Variants in COL11A1 observed in about 807,000 individuals in gnomAD.
The protein encoded by COL11A1 is collagen alpha-1(XI) chain.
Under a neutral mutation model 265.2 loss-of-function variants are expected in COL11A1, and 74 were observed. That is an observed-to-expected ratio of 0.28 (90% CI 0.23 to 0.34). The LOEUF (loss-of-function observed/expected upper bound fraction) is 0.34, where lower values mean the gene tolerates loss of function less well. Among genes scored for constraint, COL11A1 ranks in the 10% least tolerant of loss-of-function variants. The pLI, the probability that COL11A1 is intolerant of heterozygous loss-of-function variation, is 1.00. For synonymous variants in COL11A1, 816 were observed against 727.6 expected (o/e 1.12, Z -1.96); for missense variants, 2,165 against 2,263.6 (o/e 0.96, Z 0.88).
At chr1:102,943,826 C>A (rs576126266) in intron 42 of COL11A1, among the ~76,000 whole-genome samples, 1 of 152,182 alleles carries the variant, frequency 6.6e-6, no homozygotes, top group East Asian at 1.9e-4. Context: ...GCTCTTCCCC[C>A]CAATTTCTAC....
intron 4 of COL11A1, among the ~76,000 whole-genome samples, chr1:103,046,460 T>G (rs1347449680): frequency 2.6e-5 from 4 of 151,784 alleles, no homozygotes; most frequent in Non-Finnish European, 5.9e-5. Flanking sequence ...TTGTTAGTTT[T>G]TTTCTTGTAA....
At chr1:103,038,654 T>C (rs1189200199) in intron 4 of COL11A1, among the ~76,000 whole-genome samples, 3 of 152,084 alleles carry the variant, frequency 2.0e-5, no homozygotes, top group Non-Finnish European at 2.9e-5. Flanking sequence ...TTGAGTGTCA[T>C]TTGAGGACTC....
chr1:102,909,697 C>G (rs1322391989), intron 54 of COL11A1, among the ~76,000 whole-genome samples: 1 of 151,966 alleles, frequency 6.6e-6, no homozygotes, highest in Non-Finnish European at 1.5e-5. Flanking sequence ...AATGTAAATA[C>G]ATGGACTTTC....
rs773090917 is a variant in COL11A1, at chr1:103,018,884, C to T, written c.1309-25G>A. ...CCTATAACAGGAAAAGAGAACATCT[C>T]TACCAGGGAAATATAACCCCCAACC... is the stretch of plus-strand genomic sequence containing the variant. On this transcript the variant is annotated intron_variant, in intron 9 of 66. Coordinates refer to ENST00000370096, the MANE Select transcript of COL11A1 (RefSeq NM_001854.4). 10 of 1,604,994 alleles carry T rather than the reference C, an allele frequency of 6.2e-6. No homozygotes were observed. In the South Asian group the frequency reaches 9.9e-5, roughly 16 times the overall value.
At chr1:102,984,420 A>G (rs1436065511) in intron 30 of COL11A1, among the ~76,000 whole-genome samples, 2 of 152,106 alleles carry the variant, frequency 1.3e-5, no homozygotes, top group East Asian at 1.9e-4. Flanking sequence ...CCTTTATTAT[A>G]TAAGTGGTAG....
intron 41 of COL11A1, among the ~76,000 whole-genome samples, chr1:102,949,433 C>A (rs965253680): frequency 2.0e-5 from 3 of 150,086 alleles, no homozygotes; most frequent in African/African-American, 7.6e-5. Context: ...CTCTTTAATC[C>A]TGTTTAAACC....
chr1:103,002,624 A>C, intron 22 of COL11A1, 123 bp downstream of exon 22: 1 of 1,104,858 alleles, frequency 9.1e-7, no homozygotes, highest in South Asian at 1.3e-5. Flanking sequence ...ATATTAATGC[A>C]AGCTGTATCT....
At chr1:103,052,698 A>G (rs1309831125) in intron 4 of COL11A1, among the ~76,000 whole-genome samples, 1 of 152,052 alleles carries the variant, frequency 6.6e-6, no homozygotes, top group East Asian at 1.9e-4. Context: ...AGCTTTCCCA[A>G]CCCTTTATTC....
chr1:102,956,846 A>G (rs757300891), intron 41 of COL11A1, among the ~76,000 whole-genome samples: 3 of 151,836 alleles, frequency 2.0e-5, no homozygotes, highest in Non-Finnish European at 4.4e-5. Context: ...AGCCAAAGTG[A>G]AAAGAATTCT....
chr1:103,095,592 A>T (rs528071530), intron 1 of COL11A1, among the ~76,000 whole-genome samples: 1 of 152,162 alleles, frequency 6.6e-6, no homozygotes, highest in East Asian at 1.9e-4. Context: ...GTTGAAAGAA[A>T]TGCAAGGAGA....
At chr1:102,921,453 T>C in intron 48 of COL11A1, 65 bp downstream of exon 48, 9 of 1,290,284 alleles carry the variant, frequency 7.0e-6, no homozygotes, top group South Asian at 2.5e-5. Flanking sequence ...ACAAAGAGCA[T>C]CTGCTATAAA....
intron 54 of COL11A1, among the ~76,000 whole-genome samples, chr1:102,900,432 A>G (rs1422482236): frequency 6.6e-6 from 1 of 152,144 alleles, no homozygotes; most frequent in Non-Finnish European, 1.5e-5. Flanking sequence ...CAAAGTAGAT[A>G]CAACAATAAT....
chr1:102,983,734 A>G (rs10874670), intron 31 of COL11A1, among the ~76,000 whole-genome samples: 8,512 of 152,128 alleles, frequency 0.056, 271 homozygotes, highest in Non-Finnish European at 0.074. Flanking sequence ...AAAAATACTC[A>G]TGGAAATGAG....
At chr1:102,972,910 T>A (rs1557889204) in intron 36 of COL11A1, among the ~76,000 whole-genome samples, 1 of 151,292 alleles carries the variant, frequency 6.6e-6, no homozygotes, top group African/African-American at 2.5e-5. Context: ...ATTCCCAAAA[T>A]ATGCCGATAT....
At chr1:103,083,032 G>C in intron 1 of COL11A1, 60 bp from the exon 2 acceptor site, 1 of 1,502,534 alleles carries the variant, frequency 6.7e-7, no homozygotes, top group South Asian at 1.1e-5. Flanking sequence ...ATAACAATGA[G>C]TATTTTTAAC....
In COL11A1 at chr1:103,005,930, TCAC is replaced by T. The variant is rs761748826; in HGVS notation, c.1792-42_1792-40del. On this transcript the variant is annotated intron_variant, in intron 17 of 66. Coordinates refer to ENST00000370096, the MANE Select transcript of COL11A1 (RefSeq NM_001854.4). ...ATCATCATCATCATCATCATCATCA[TCAC>T]AATTCCAGTCTAGATATGTACTGCA... is the stretch of plus-strand genomic sequence containing the variant. The T allele has an allele frequency of 8.8e-6, 10 of 1,134,036 alleles. No individual in the cohort carries two copies. In the African/African-American group the frequency reaches 8.9e-5, roughly 10 times the overall value. 70.2% of individuals were successfully genotyped at this position (1,134,036 alleles called of 1,614,324 possible).
At chr1:103,017,917 C>T in intron 10 of COL11A1, 35 bp from the exon 11 acceptor site, 2 of 1,470,494 alleles carry the variant, frequency 1.4e-6, no homozygotes, top group Non-Finnish European at 1.9e-6. Flanking sequence ...AATCAGATTC[C>T]TAATCTCATT....
chr1:102,968,834 T>A (rs1343028372), intron 37 of COL11A1, among the ~76,000 whole-genome samples: 1 of 152,212 alleles, frequency 6.6e-6, no homozygotes, highest in Non-Finnish European at 1.5e-5. Context: ...CAATGTTATA[T>A]GTGATATAAT....
At chr1:103,099,145 T>C (rs1674029384) in intron 1 of COL11A1, among the ~76,000 whole-genome samples, 1 of 151,742 alleles carries the variant, frequency 6.6e-6, no homozygotes, top group African/African-American at 2.4e-5. Context: ...CTGTTCTAGA[T>C]GAAATAAATC....
Sources: gnomAD v4.1 joint callset for allele counts (sites outside exome capture counted in the v4.1 genomes callset) on GRCh38, gnomAD v4.1.1 for gene constraint, MANE v1.5 for transcripts, NCBI Gene and HGNC (gene_info 2026-07-23, HGNC 2026-07-21) for gene names.